The following FMN2 variants were observed in gnomAD, a reference collection of about 807,000 sequenced individuals.
FMN2 encodes the protein formin-2.
In FMN2, 51 loss-of-function variants were observed where a neutral mutation model predicts 142.3. That is an observed-to-expected ratio of 0.36 (90% CI 0.29 to 0.45). The LOEUF is 0.45. FMN2 is among the 20% of genes least tolerant of loss of function. The probability of loss-of-function intolerance (pLI) is 1.00; values close to 1 mark genes in which losing one functional copy is unlikely to be tolerated. For synonymous variants in FMN2, 882 were observed against 869.8 expected (o/e 1.01, Z -0.25); for missense variants, 1,936 against 2,122.8 (o/e 0.91, Z 1.73).
rs1676877265 is a variant in FMN2, at chr1:240,473,519, C to T, written c.5143-609C>T. On this transcript the variant is annotated intron_variant, in intron 17 of 17. Transcript: ENST00000319653. This position sits in a 1 kb window ranked among gnomAD's most constrained non-coding sequence, Gnocchi z 4.3. Reference sequence around the variant, plus strand: ...TCTAATGTAGTCTAAAGGGAAAAGACATTAAAATAACCCAAATTGGGATAT... The same window carrying T: ...TCTAATGTAGTCTAAAGGGAAAAGATATTAAAATAACCCAAATTGGGATAT... Among the ~76,000 whole-genome samples, 1 of 152,054 alleles carries T rather than the reference C, an allele frequency of 6.6e-6. No individual in the cohort carries two copies. Among genetic ancestry groups the T allele is most frequent in the Admixed American group, 6.6e-5 (1 of 15,262 alleles).
intron 7 of FMN2, among the ~76,000 whole-genome samples, chr1:240,264,541 C>A (rs1363672726): frequency 6.6e-6 from 1 of 152,002 alleles, no homozygotes; most frequent in East Asian, 1.9e-4. Context: ...TGCCCCCTAC[C>A]CCCTGACAGG....
chr1:240,284,348 A>T (rs1191280443), intron 7 of FMN2, among the ~76,000 whole-genome samples: 1 of 151,912 alleles, frequency 6.6e-6, no homozygotes, highest in Non-Finnish European at 1.5e-5. Context: ...GCTGGGGGGG[A>T]GGATTGAGTT....
intron 11 of FMN2, 57 bp from the exon 12 acceptor site, chr1:240,333,822 TGGTAACAC>T: frequency 3.2e-6 from 4 of 1,253,830 alleles, no homozygotes; most frequent in Admixed American, 4.8e-5. Flanking sequence ...GAATCTTTTT[TGGTAACAC>T]TTTATATTTA....
chr1:240,206,898 C>CA lies in FMN2; in HGVS notation c.2087dup (p.Tyr697ValfsTer16). 6.2e-7 allele frequency: 1 copy of CA among 1,614,148 alleles called. No homozygotes were observed. Among genetic ancestry groups the CA allele is most frequent in the Non-Finnish European group, 8.5e-7 (1 of 1,180,028 alleles). ...AACCAAAATAGCTGAACTAGAGAGG[C>CA]AGTATCCTGCCCTGGACACAGAGGT... On this transcript the variant is annotated frameshift_variant, in exon 5 of 18. Transcript: ENST00000319653. LOFTEE classifies it high-confidence loss of function.
intron 16 of FMN2, among the ~76,000 whole-genome samples, chr1:240,468,371 A>G (rs994421556): frequency 2.7e-5 from 4 of 148,142 alleles, no homozygotes; most frequent in African/African-American, 1.0e-4. Context: ...TCATGCACAG[A>G]GCTGTGTCTC....
chr1:240,243,436 A>G (rs1311245051), intron 6 of FMN2, among the ~76,000 whole-genome samples: 2 of 152,148 alleles, frequency 1.3e-5, no homozygotes, highest in African/African-American at 4.8e-5. Context: ...AAGGGGCAGG[A>G]GTTGGCCAAT....
chr1:240,207,583 C>A lies in FMN2; in HGVS notation c.2771C>A (p.Pro924Gln). 6.3e-7 allele frequency: 1 copy of A among 1,593,942 alleles called. No homozygotes were observed. Among genetic ancestry groups the A allele is most frequent in the Non-Finnish European group, 8.5e-7 (1 of 1,170,128 alleles). The change falls in exon 5 of 18, where the codon CCG becomes CAG. Residue 924 changes from proline to glutamine, a missense_variant. This residue lies in a region of FMN2 where 478 missense variants were observed against 462.8 expected (regional missense o/e 1.03). Coordinates refer to ENST00000319653, the MANE Select transcript of FMN2 (RefSeq NM_020066.5). ...CCCGGAGCGGGCATACCTCCTCCGC[C>A]GCCTCTACCCGGAGCAGGCATACTC... ...PLPGAGIPPP[P>Q]PLPGAGILPL...
intron 1 of FMN2, among the ~76,000 whole-genome samples, chr1:240,095,711 C>T (rs1661174201): frequency 6.6e-6 from 1 of 151,746 alleles, no homozygotes; most frequent in East Asian, 1.9e-4. Context: ...ATCACAAGAC[C>T]CTAAATAGGT....
intron 2 of FMN2, among the ~76,000 whole-genome samples, chr1:240,177,316 T>C (rs11591010): frequency 0.18 from 26,879 of 151,876 alleles, 2,581 homozygotes; most frequent in Middle Eastern, 0.28. Flanking sequence ...TCTGTTGGTC[T>C]GTAGCTGGCG....
At chr1:240,220,536 C>T (rs1005180207) in intron 6 of FMN2, among the ~76,000 whole-genome samples, 3 of 151,964 alleles carry the variant, frequency 2.0e-5, no homozygotes, top group African/African-American at 2.4e-5. Context: ...GGTGTGAATA[C>T]ACACCTGCCA....
chr1:240,233,411 G>C (rs1667595484), intron 6 of FMN2, among the ~76,000 whole-genome samples: 2 of 151,048 alleles, frequency 1.3e-5, no homozygotes, highest in Non-Finnish European at 2.9e-5. Flanking sequence ...AAAAAAGACT[G>C]TGTATGGGTC....
intron 15 of FMN2, among the ~76,000 whole-genome samples, chr1:240,403,464 T>C (rs1037519232): frequency 6.6e-6 from 1 of 152,096 alleles, no homozygotes; most frequent in Non-Finnish European, 1.5e-5. Flanking sequence ...CAAAACCTCA[T>C]CTCTACTAAA....
At chr1:240,288,055 C>G (rs745699869) in intron 7 of FMN2, among the ~76,000 whole-genome samples, 1 of 152,150 alleles carries the variant, frequency 6.6e-6, no homozygotes, top group Admixed American at 6.5e-5. Context: ...TCAGTTTATC[C>G]AGTAAAATTA....
intron 6 of FMN2, among the ~76,000 whole-genome samples, chr1:240,215,077 A>T (rs1240378536): frequency 2.0e-5 from 3 of 152,150 alleles, no homozygotes; most frequent in Non-Finnish European, 2.9e-5. Context: ...AGGGAAAAAA[A>T]AATTCATCCG....
At chr1:240,283,436 G>A (rs183616498) in intron 7 of FMN2, among the ~76,000 whole-genome samples, 38 of 152,208 alleles carry the variant, frequency 2.5e-4, no homozygotes, top group Admixed American at 8.5e-4. Flanking sequence ...CAGGCATTTC[G>A]GCCTTTGTGC....
chr1:240,467,072 A>T (rs1676646604), intron 16 of FMN2, among the ~76,000 whole-genome samples: 1 of 152,206 alleles, frequency 6.6e-6, no homozygotes, highest in East Asian at 1.9e-4. Context: ...AAGTGATCAC[A>T]GCCTATCATC....
At chr1:240,325,199 A>G (rs1572194799) in intron 8 of FMN2, among the ~76,000 whole-genome samples, 1 of 152,126 alleles carries the variant, frequency 6.6e-6, no homozygotes, top group African/African-American at 2.4e-5. Context: ...CTCTACAAAA[A>G]AAACAAAACT....
rs71646892 is a variant in FMN2 at position 240,207,851 on chromosome 1, T to C, written c.3039T>C (p.Pro1013=). 1.3e-5 allele frequency: 2 copies of C among 153,294 alleles called. No homozygotes were observed. The highest frequency in any genetic ancestry group is 4.1e-5 in the South Asian group (1 of 24,316). The allele number at this position is 153,294 out of a possible 1,614,324, so 9.5% of individuals were successfully genotyped here. A position where few individuals can be genotyped will look rare whatever the true frequency, so the allele number is the denominator to read the frequency against. ...GAGCGGGCATACCCCCTCCTCCCCC[T>C]CTTCCCGGAGCGGGCATACCTCCTC... is the stretch of plus-strand genomic sequence containing the variant. ...LPGAGIPPPP[P]LPGAGIPPPP... Residue 1013 remains proline (P), a synonymous_variant, in exon 5 of 18, where the codon CCT becomes CCC. Transcript: ENST00000319653.
intron 8 of FMN2, among the ~76,000 whole-genome samples, chr1:240,308,844 G>T (rs1248348129): frequency 6.6e-6 from 1 of 152,160 alleles, no homozygotes; most frequent in Non-Finnish European, 1.5e-5. Context: ...AATTGAGAGT[G>T]ATCCCACAAT....
Sources: allele counts gnomAD v4.1 joint callset (sites outside exome capture counted in the v4.1 genomes callset), GRCh38; gene constraint gnomAD v4.1.1; regional missense constraint gnomAD v4.1.1; non-coding constraint Gnocchi (gnomAD v3.1); transcripts MANE v1.5; gene names NCBI Gene and HGNC (gene_info 2026-07-23, HGNC 2026-07-21).